LRBA: variants seen among roughly 807,000 people sequenced by gnomAD.
LRBA encodes lipopolysaccharide-responsive and beige-like anchor protein.
In LRBA, 176 loss-of-function variants were observed where a neutral mutation model predicts 330.0. The ratio of observed to expected loss-of-function variants is 0.53; its 90% CI spans 0.47 to 0.60. The LOEUF (loss-of-function observed/expected upper bound fraction) is 0.60. LRBA is among the 20% of genes least tolerant of loss of function. LRBA has a pLI of 0.00. For missense variants in LRBA, 3,259 were observed against 3,444.8 expected (o/e 0.95, Z 1.35); for synonymous variants, 1,230 against 1,193.0 (o/e 1.03, Z -0.64).
intron 40 of LRBA, among the ~76,000 whole-genome samples, chr4:150,556,875 C>G (rs1458141107): frequency 1.3e-5 from 2 of 152,092 alleles, no homozygotes; most frequent in African/African-American, 2.4e-5. Flanking sequence ...ACAAGGCCTA[C>G]AAGGAAAATG....
intron 50 of LRBA, among the ~76,000 whole-genome samples, chr4:150,320,483 AC>A (rs1164941266): frequency 6.6e-6 from 1 of 152,012 alleles, no homozygotes; most frequent in Non-Finnish European, 1.5e-5. Flanking sequence ...ACAAAAAGGT[AC>A]AGTTTCTGGC....
intron 37 of LRBA, among the ~76,000 whole-genome samples, chr4:150,621,473 A>G (rs1166896515): frequency 6.6e-6 from 1 of 152,222 alleles, no homozygotes; most frequent in Non-Finnish European, 1.5e-5. Context: ...AGTACTAGTT[A>G]GAGCACTAGT....
intron 46 of LRBA, among the ~76,000 whole-genome samples, chr4:150,427,989 G>T (rs1452321892): frequency 1.3e-5 from 2 of 151,848 alleles, no homozygotes; most frequent in Non-Finnish European, 2.9e-5. Flanking sequence ...GTAGTAAAGG[G>T]AAGTCAAAGG....
At chr4:150,484,157 T>C (rs1279454327) in intron 42 of LRBA, among the ~76,000 whole-genome samples, 1 of 152,060 alleles carries the variant, frequency 6.6e-6, no homozygotes, top group Non-Finnish European at 1.5e-5. Context: ...AAGGCCTTTG[T>C]ATGCATTTGG....
intron 53 of LRBA, among the ~76,000 whole-genome samples, chr4:150,286,277 T>G (rs1748121441): frequency 3.3e-5 from 5 of 152,176 alleles, no homozygotes; most frequent in Admixed American, 3.3e-4. Flanking sequence ...AAACTCAGGG[T>G]TAAATACAAC....
chr4:150,858,377 CTTTT>C (rs1406822286), intron 22 of LRBA, among the ~76,000 whole-genome samples: 1 of 150,656 alleles, frequency 6.6e-6, no homozygotes, highest in Non-Finnish European at 1.5e-5. Context: ...GTCTCTCTCT[CTTTT>C]TCTTTTTTTT....
At chr4:150,320,250 C>T (rs1255999936) in intron 50 of LRBA, among the ~76,000 whole-genome samples, 5 of 152,114 alleles carry the variant, frequency 3.3e-5, no homozygotes. Flanking sequence ...GCTCAGTGTC[C>T]TCACTGGCAA....
rs1307351576 is a variant in LRBA at position 150,906,221 on chromosome 4, AT to A, written c.1602+75del. The A allele has an allele frequency of 1.7e-5, 16 of 958,574 alleles. No individual in the cohort carries two copies. In the African/African-American group the frequency reaches 2.6e-4, roughly 16 times the overall value. The allele number at this position is 958,574 out of a possible 1,614,324, so 59.4% of individuals were successfully genotyped here. ...CCAAGGAGACATTCTTGCAGACAGA[AT>A]TCCTTAGCCACTTAGAGAACAAATG... On this transcript the variant is annotated intron_variant, in intron 12 of 56. Coordinates refer to ENST00000651943, the MANE Select transcript of LRBA (RefSeq NM_001364905.1).
At chr4:150,679,294 T>C (rs1296483578) in intron 37 of LRBA, among the ~76,000 whole-genome samples, 2 of 152,202 alleles carry the variant, frequency 1.3e-5, no homozygotes, top group African/African-American at 2.4e-5. Context: ...TTAAAAATTC[T>C]TTAGGCCTGC....
At chr4:150,561,189 A>G (rs910092385) in intron 40 of LRBA, among the ~76,000 whole-genome samples, 7 of 152,160 alleles carry the variant, frequency 4.6e-5, no homozygotes, top group African/African-American at 1.7e-4. Flanking sequence ...TCTGTTCTTA[A>G]TATGACAAAA....
intron 37 of LRBA, among the ~76,000 whole-genome samples, chr4:150,622,785 C>G (rs1164397079): frequency 6.7e-6 from 1 of 148,870 alleles, no homozygotes; most frequent in East Asian, 2.0e-4. Context: ...GCAAGCTCCG[C>G]CTCCTGGGTT....
chr4:150,647,352 C>CTTTTTTTTTTTTT (rs769403201), intron 37 of LRBA, among the ~76,000 whole-genome samples: 2 of 79,828 alleles, frequency 2.5e-5, no homozygotes, highest in East Asian at 4.2e-4. Flanking sequence ...ATTACTTTTT[C>CTTTTTTTTTTTTT]TTTTTTTTTT....
intron 17 of LRBA, among the ~76,000 whole-genome samples, chr4:150,873,595 A>T (rs1753681078): frequency 6.6e-6 from 1 of 151,868 alleles, no homozygotes. Flanking sequence ...GTCTCAAAAA[A>T]AAAAACAAAC....
intron 52 of LRBA, among the ~76,000 whole-genome samples, chr4:150,305,364 T>TG (rs1730225700): frequency 6.6e-6 from 1 of 152,206 alleles, no homozygotes; most frequent in African/African-American, 2.4e-5. Flanking sequence ...CATTCAGTCA[T>TG]GGTGGTTCCT....
chr4:150,771,335 T>C (rs546899531), intron 34 of LRBA, among the ~76,000 whole-genome samples: 3 of 152,292 alleles, frequency 2.0e-5, no homozygotes, highest in African/African-American at 7.2e-5. Flanking sequence ...GTCCCAGCCA[T>C]ATAAGGTATT....
chr4:150,485,510 G>A (rs1248631197), intron 42 of LRBA, among the ~76,000 whole-genome samples: 2 of 151,922 alleles, frequency 1.3e-5, no homozygotes, highest in Non-Finnish European at 2.9e-5. Context: ...GAAGTCATCA[G>A]GGTGGGCCCA....
chr4:150,753,123 C>A (rs1348740368), intron 35 of LRBA, among the ~76,000 whole-genome samples: 2 of 152,174 alleles, frequency 1.3e-5, no homozygotes, highest in Non-Finnish European at 2.9e-5. Context: ...TCCACTCTGA[C>A]CACTCTTATT....
At chr4:150,932,160 C>T (rs1444776477) in intron 2 of LRBA, among the ~76,000 whole-genome samples, 1 of 151,874 alleles carries the variant, frequency 6.6e-6, no homozygotes, top group Non-Finnish European at 1.5e-5. Flanking sequence ...GCTTTTCTAA[C>T]TAAGAGTTTT....
At chr4:150,661,686 T>C (rs1051480194) in intron 37 of LRBA, among the ~76,000 whole-genome samples, 1 of 152,136 alleles carries the variant, frequency 6.6e-6, no homozygotes, top group African/African-American at 2.4e-5. Context: ...TCTCAGCTCA[T>C]TGCAACCTCT....
Sources: gnomAD v4.1 joint callset for allele counts (sites outside exome capture counted in the v4.1 genomes callset) on GRCh38, gnomAD v4.1.1 for gene constraint, MANE v1.5 for transcripts, NCBI Gene and HGNC (gene_info 2026-07-23, HGNC 2026-07-21) for gene names.